The following SIN3A variants were observed in gnomAD, a reference collection of about 807,000 sequenced individuals.
SIN3A encodes SIN3 transcription regulator family member A, also known as paired amphipathic helix protein Sin3a.
In SIN3A, 14 loss-of-function variants were observed where a neutral mutation model predicts 146.1. The observed-to-expected ratio is 0.10, with a 90% confidence interval of 0.06 to 0.15. The LOEUF (loss-of-function observed/expected upper bound fraction) is 0.15, where lower values mean the gene tolerates loss of function less well. Ranked by LOEUF, SIN3A falls within the 10% of genes least tolerant of loss-of-function variation. The probability of loss-of-function intolerance (pLI) is 1.00; values close to 1 mark genes in which losing one functional copy is unlikely to be tolerated. For synonymous variants in SIN3A, 572 were observed against 572.0 expected (o/e 1.00, Z 0.00); for missense variants, 1,028 against 1,576.0 (o/e 0.65, Z 5.89).
At chr15:75,453,692 T>A (rs2074444378), upstream of SIN3A, 1 of 152,194 alleles carries the variant, frequency 6.6e-6, no homozygotes, top group Non-Finnish European at 1.5e-5. Flanking sequence ...GTCTGCAGAG[T>A]TCTCGAGCTT....
intron 2 of SIN3A, among the ~76,000 whole-genome samples, chr15:75,425,830 T>C (rs1316799193): frequency 6.6e-6 from 1 of 152,158 alleles, no homozygotes; most frequent in Non-Finnish European, 1.5e-5. Flanking sequence ...TATACCACAA[T>C]TTAAGAGAGA....
intron 1 of SIN3A, among the ~76,000 whole-genome samples, chr15:75,438,403 G>A (rs541461959): frequency 6.6e-6 from 1 of 152,126 alleles, no homozygotes; most frequent in South Asian, 2.1e-4. Flanking sequence ...CGGGTGGGAT[G>A]CTGGGTGTAG....
chr15:75,407,169 T>G, intron 8 of SIN3A, 25 bp from the exon 9 acceptor site: 1 of 1,500,142 alleles, frequency 6.7e-7, no homozygotes. Flanking sequence ...TACAAACATG[T>G]GAGATTCAAC....
At chr15:75,448,175 TAAAA>T (rs59766455) in intron 1 of SIN3A, 10 of 133,918 alleles carry the variant, frequency 7.5e-5, no homozygotes, top group South Asian at 4.6e-4. Context: ...AGACTTCGTC[TAAAA>T]AAAAAAAAAA....
intron 12 of SIN3A, among the ~76,000 whole-genome samples, chr15:75,397,819 G>A (rs2073333121): frequency 6.6e-6 from 1 of 152,192 alleles, no homozygotes; most frequent in Non-Finnish European, 1.5e-5. Context: ...GGAACACTCT[G>A]TCAAAAACAA....
intron 19 of SIN3A, among the ~76,000 whole-genome samples, chr15:75,380,187 T>C (rs1336064047): frequency 6.6e-6 from 1 of 152,200 alleles, no homozygotes. Flanking sequence ...ACATTCATTG[T>C]TGGAAGAATT....
In SIN3A at chr15:75,450,777, C is replaced by T. The variant is rs1419566314; in HGVS notation, c.-34+646G>A. On this transcript the variant is annotated intron_variant, in intron 1 of 20. Transcript: ENST00000394947. ...CCTCCCTCCCCACGGAGACATAGGG[C>T]GGGGCAGATCTAGGCGCCGAGACTC... 1.1e-4 allele frequency among the ~76,000 whole-genome samples: 16 copies of T among 152,306 alleles called. No homozygotes were observed. In the East Asian group the frequency reaches 2.7e-3, roughly 26 times the overall value.
chr15:75,432,579 T>C (rs1361646273), intron 1 of SIN3A, among the ~76,000 whole-genome samples: 1 of 145,328 alleles, frequency 6.9e-6, no homozygotes, highest in Non-Finnish European at 1.5e-5. Context: ...ACCTGCTACT[T>C]GGGAGGCTGA....
chr15:75,397,814 ACT>A (rs1016413792), intron 12 of SIN3A, among the ~76,000 whole-genome samples: 2 of 152,176 alleles, frequency 1.3e-5, no homozygotes, highest in African/African-American at 4.8e-5. Flanking sequence ...GGATAGGAAC[ACT>A]CTGTCAAAAA....
At chr15:75,386,578 G>C (rs1255376068) in intron 16 of SIN3A, among the ~76,000 whole-genome samples, 3 of 152,184 alleles carry the variant, frequency 2.0e-5, no homozygotes, top group Non-Finnish European at 4.4e-5. Flanking sequence ...TGGGACCAGG[G>C]GTACTGGGAG....
chr15:75,445,354 C>G (rs1302823008), intron 1 of SIN3A, among the ~76,000 whole-genome samples: 1 of 128,144 alleles, frequency 7.8e-6, no homozygotes, highest in Non-Finnish European at 1.6e-5. Context: ...GTACTCCAGC[C>G]TGGGCGACAG....
In SIN3A at chr15:75,369,611, T is replaced by G. The variant is rs910235611; in HGVS notation, c.*2368A>C. The G allele has an allele frequency of 2.6e-5, 4 of 152,218 alleles. No homozygotes were observed. Among genetic ancestry groups the G allele is most frequent in the African/African-American group, 9.7e-5 (4 of 41,450 alleles). The allele number at this position is 152,218 out of a possible 1,614,324, so 9.4% of individuals were successfully genotyped here. A position where few individuals can be genotyped will look rare whatever the true frequency, so the allele number is the denominator to read the frequency against. ...CTGTAGGTAAAACTTACTCTTTTGT[T>G]GGTTGCACTGGTGGGTTGGGACTTT... On this transcript the variant is annotated 3_prime_UTR_variant, in exon 21 of 21. Transcript: ENST00000394947.
chr15:75,391,477 C>T (rs2073197973), intron 15 of SIN3A, among the ~76,000 whole-genome samples: 1 of 149,394 alleles, frequency 6.7e-6, no homozygotes, highest in Non-Finnish European at 1.5e-5. Flanking sequence ...AGGGCCATAT[C>T]TGGGCTTCCT....
At chr15:75,376,070 A>C (rs2072849614) in intron 19 of SIN3A, 198 bp from the exon 20 acceptor site, 1 of 606,620 alleles carries the variant, frequency 1.6e-6, no homozygotes, top group Non-Finnish European at 2.9e-6. Flanking sequence ...AGAAATCTTC[A>C]CCCATCCCCT....
chr15:75,385,879 A>G (rs565316998), intron 16 of SIN3A, among the ~76,000 whole-genome samples: 32 of 152,368 alleles, frequency 2.1e-4, no homozygotes, highest in African/African-American at 7.7e-4. Flanking sequence ...CAGATAAAGG[A>G]TTCTGATACA....
chr15:75,408,193 G>A (rs2073555819), intron 8 of SIN3A, among the ~76,000 whole-genome samples: 1 of 152,172 alleles, frequency 6.6e-6, no homozygotes, highest in African/African-American at 2.4e-5. Flanking sequence ...CCACCTGTAG[G>A]TAATCAAGAG....
Position 75,392,775 on chromosome 15 carries a change from A to G in SIN3A, c.2318T>C (p.Val773Ala). The change falls in exon 15 of 21, where the codon GTT becomes GCT. Residue 773 changes from valine to alanine, a missense_variant. Transcript: ENST00000394947. ...QATEENAGVP[V>A]GPHLSLAYED... ...ATACGCAAGTGAGAGGTGTGGGCCA[A>G]CAGGTACACCAGCATTCTCCTCCGT... The G allele has an allele frequency of 6.2e-7, 1 of 1,613,874 alleles. No homozygotes were observed. The highest frequency in any genetic ancestry group is 8.5e-7 in the Non-Finnish European group (1 of 1,179,952).
intron 19 of SIN3A, among the ~76,000 whole-genome samples, chr15:75,378,243 A>G (rs2072901286): frequency 6.6e-6 from 1 of 152,220 alleles, no homozygotes; most frequent in South Asian, 2.1e-4. Context: ...ACTGATGTAT[A>G]AATTGATATT....
intron 19 of SIN3A, 72 bp from the exon 20 acceptor site, chr15:75,375,944 T>C: frequency 6.8e-7 from 1 of 1,463,072 alleles, no homozygotes; most frequent in Non-Finnish European, 9.5e-7. Context: ...CAAAGTGAGT[T>C]TTCTTTATTA....
Sources: allele counts gnomAD v4.1 joint callset (sites outside exome capture counted in the v4.1 genomes callset), GRCh38; gene constraint gnomAD v4.1.1; transcripts MANE v1.5; gene names NCBI Gene and HGNC (gene_info 2026-07-23, HGNC 2026-07-21).